TEAD4: variants seen among roughly 807,000 people sequenced by gnomAD.
TEAD4 encodes the protein transcriptional enhancer factor TEF-3.
TEAD4 carries 36 observed loss-of-function variants against 52.4 expected under a neutral mutation model. The observed-to-expected ratio is 0.69, with a 90% CI of 0.53 to 0.91. TEAD4 has a LOEUF of 0.91. Among genes scored for constraint, TEAD4 ranks in the 40% least tolerant of loss-of-function variants. The pLI, the probability that TEAD4 is intolerant of heterozygous loss-of-function variation, is 0.00. For synonymous variants in TEAD4, 220 were observed against 231.0 expected (o/e 0.95, Z 0.43); for missense variants, 508 against 583.9 (o/e 0.87, Z 1.34).
rs2098245753 is a variant in TEAD4, at chr12:2,994,669, A to G, written c.-29-69A>G. ...TGATTCGGGCTCTGGCACTCCCCGG[A>G]GTGCCTTCATCCCGTGGCCCACGCA... On this transcript the variant is annotated intron_variant, in intron 2 of 12. Transcript: ENST00000359864. This position sits in a 1 kb window ranked among gnomAD's most constrained non-coding sequence, Gnocchi z 4.7. 1 of 1,471,796 alleles carries G rather than the reference A, an allele frequency of 6.8e-7. No homozygotes were observed. Among genetic ancestry groups the G allele is most frequent in the Admixed American group, 2.6e-5 (1 of 38,208 alleles). 91.2% of individuals were successfully genotyped at this position (1,471,796 alleles called of 1,614,324 possible). A position where few individuals can be genotyped will look rare whatever the true frequency, so the allele number is the denominator to read the frequency against.
At chr12:3,016,414 G>GCTGTTC (rs1020172943) in intron 5 of TEAD4, among the ~76,000 whole-genome samples, 1 of 152,096 alleles carries the variant, frequency 6.6e-6, no homozygotes, top group African/African-American at 2.4e-5. Context: ...AATAATACTT[G>GCTGTTC]CTGTTCCAGC....
intron 6 of TEAD4, among the ~76,000 whole-genome samples, 173 bp from the exon 7 acceptor site, chr12:3,018,368 CTGAA>C (rs2098266094): frequency 6.6e-6 from 1 of 152,166 alleles, no homozygotes; most frequent in African/African-American, 2.4e-5. Context: ...TGAGAGCCCC[CTGAA>C]ACTCACTCTG....
At chr12:3,034,285 G>C (rs118157965) in intron 10 of TEAD4, among the ~76,000 whole-genome samples, 1 of 152,116 alleles carries the variant, frequency 6.6e-6, no homozygotes, top group Non-Finnish European at 1.5e-5. Flanking sequence ...GGGTGAGCAG[G>C]ACAGGGTAGG....
At chr12:3,019,986 G>A (rs377709420) in intron 8 of TEAD4, among the ~76,000 whole-genome samples, 2 of 152,186 alleles carry the variant, frequency 1.3e-5, no homozygotes, top group Non-Finnish European at 1.5e-5. Flanking sequence ...CCACCGGCTC[G>A]CTGTCCCGTC....
At chr12:3,007,437 G>A (rs557854448) in intron 3 of TEAD4, among the ~76,000 whole-genome samples, 31 of 152,344 alleles carry the variant, frequency 2.0e-4, no homozygotes, top group African/African-American at 7.5e-4. Flanking sequence ...TGCTGTGGGT[G>A]ATCTGGTGCA....
intron 3 of TEAD4, among the ~76,000 whole-genome samples, chr12:3,005,157 C>T (rs1214877081): frequency 6.6e-6 from 1 of 152,224 alleles, no homozygotes; most frequent in Non-Finnish European, 1.5e-5. Flanking sequence ...GAGGTGGAAT[C>T]TAAAACAGTG....
At chr12:2,970,498 T>C (rs1385440875) in intron 2 of TEAD4, among the ~76,000 whole-genome samples, 1 of 152,240 alleles carries the variant, frequency 6.6e-6, no homozygotes, top group Admixed American at 6.5e-5. Context: ...GTCAAATAAA[T>C]GACCTATAAA....
At chr12:2,965,199 TGTCACCCGG>T (rs1161318321) in intron 2 of TEAD4, among the ~76,000 whole-genome samples, 1 of 152,156 alleles carries the variant, frequency 6.6e-6, no homozygotes, top group Non-Finnish European at 1.5e-5. Context: ...AGACTCACTT[TGTCACCCGG>T]GCTGGAGTTC....
intron 10 of TEAD4, among the ~76,000 whole-genome samples, chr12:3,029,006 C>T (rs1157306873): frequency 6.6e-6 from 1 of 152,004 alleles, no homozygotes; most frequent in African/African-American, 2.4e-5. Context: ...GATGAAAGTT[C>T]CTTATCAGTT....
At chr12:2,985,758 C>T (rs1283719207) in intron 2 of TEAD4, among the ~76,000 whole-genome samples, 1 of 152,078 alleles carries the variant, frequency 6.6e-6, no homozygotes, top group African/African-American at 2.4e-5. Flanking sequence ...CCTACCTCAC[C>T]TGTTTTTTTA....
chr12:3,039,698 T>G (rs3782834), intron 11 of TEAD4, among the ~76,000 whole-genome samples: 92,507 of 151,836 alleles, frequency 0.61, 31,307 homozygotes, highest in East Asian at 0.94. Context: ...CTTTCTTTTT[T>G]TCTTTTTGTG....
intron 2 of TEAD4, among the ~76,000 whole-genome samples, chr12:2,980,856 G>C (rs185291289): frequency 1.3e-5 from 2 of 152,304 alleles, no homozygotes; most frequent in African/African-American, 4.8e-5. Flanking sequence ...GGTCAAGAGC[G>C]AAACTCCATC....
intron 10 of TEAD4, among the ~76,000 whole-genome samples, chr12:3,034,532 G>A (rs1191715923): frequency 6.6e-6 from 1 of 152,160 alleles, no homozygotes; most frequent in Non-Finnish European, 1.5e-5. Context: ...GGGGGCAGCC[G>A]CTGCCTCTGT....
At chr12:3,016,399 C>A (rs1005344015) in intron 5 of TEAD4, among the ~76,000 whole-genome samples, 2 of 152,118 alleles carry the variant, frequency 1.3e-5, no homozygotes, top group Admixed American at 1.3e-4. Flanking sequence ...AAGCTGCAGA[C>A]AGTGAATAAT....
chr12:3,037,388 C>T (rs1192812699), intron 10 of TEAD4, among the ~76,000 whole-genome samples: 1 of 152,106 alleles, frequency 6.6e-6, no homozygotes, highest in Non-Finnish European at 1.5e-5. Context: ...CCAGCAGTGC[C>T]TAGAGGGGGA....
chr12:2,997,438 A>G (rs1306664288), intron 3 of TEAD4, among the ~76,000 whole-genome samples: 2 of 152,150 alleles, frequency 1.3e-5, no homozygotes, highest in African/African-American at 4.8e-5. Flanking sequence ...GGTTGTTGCC[A>G]TTTAGCCAGG....
At chr12:2,962,405 G>A (rs2098216553) in intron 2 of TEAD4, among the ~76,000 whole-genome samples, 1 of 148,498 alleles carries the variant, frequency 6.7e-6, no homozygotes, top group South Asian at 2.1e-4. Context: ...GTGCGATCTC[G>A]GCTCACCACA....
chr12:2,986,820 A>G (rs2098238944), intron 2 of TEAD4, among the ~76,000 whole-genome samples: 1 of 152,180 alleles, frequency 6.6e-6, no homozygotes, highest in East Asian at 1.9e-4. Flanking sequence ...GTTTTACACC[A>G]GTGCCACCAG....
At chr12:2,975,524 G>T (rs1239547875) in intron 2 of TEAD4, among the ~76,000 whole-genome samples, 1 of 152,016 alleles carries the variant, frequency 6.6e-6, no homozygotes. Flanking sequence ...AAGTAGCTGG[G>T]ATTACAGGCA....
Sources: allele counts gnomAD v4.1 joint callset (sites outside exome capture counted in the v4.1 genomes callset), GRCh38; gene constraint gnomAD v4.1.1; non-coding constraint Gnocchi (gnomAD v3.1); transcripts MANE v1.5; gene names NCBI Gene and HGNC (gene_info 2026-07-23, HGNC 2026-07-21).